ADAM32: variants seen among roughly 807,000 people sequenced by gnomAD.
The protein encoded by ADAM32 is disintegrin and metalloproteinase domain-containing protein 32.
In ADAM32, 89 loss-of-function variants were observed where a neutral mutation model predicts 114.9. The ratio of observed to expected loss-of-function variants is 0.77; its 90% CI spans 0.65 to 0.92. The LOEUF (loss-of-function observed/expected upper bound fraction) is 0.92, where lower values mean the gene tolerates loss of function less well. Ranked by LOEUF, ADAM32 falls within the 40% of genes least tolerant of loss-of-function variation. The pLI, the probability that ADAM32 is intolerant of heterozygous loss-of-function variation, is 0.00. For synonymous variants in ADAM32, 285 were observed against 307.5 expected, an observed-to-expected ratio of 0.93 and a Z score of 0.77; for missense variants, 870 against 932.8, an observed-to-expected ratio of 0.93 and a Z score of 0.88.
At chr8:39,111,720 CAAAAAAAA>C (rs11343568) in intron 1 of ADAM32, among the ~76,000 whole-genome samples, 3 of 78,294 alleles carry the variant, frequency 3.8e-5, no homozygotes, top group African/African-American at 1.4e-4. Flanking sequence ...GACTCTTTCT[CAAAAAAAA>C]AAAAAAAAAA....
chr8:39,151,160 T>G (rs1803801519), intron 5 of ADAM32, among the ~76,000 whole-genome samples: 1 of 152,208 alleles, frequency 6.6e-6, no homozygotes, highest in Non-Finnish European at 1.5e-5. Context: ...ATTGATTAAG[T>G]GACTTCTGCT....
Position 39,160,902 on chromosome 8 carries a change from A to G in ADAM32, c.531A>G (p.Glu177=), listed in dbSNP as rs1804467978. ...DDNIFISEKS[E]PAVPDLFPLY... is the part of the protein sequence containing the mutation. ...GCTGTTTTCCTTTTTTCTAGTCAGAACCAGCTGTTCCAGATTTATTTCCTC... is the reference window on the plus strand; with the variant it reads ...GCTGTTTTCCTTTTTTCTAGTCAGAGCCAGCTGTTCCAGATTTATTTCCTC... Residue 177 remains glutamate (E), a synonymous_variant, in exon 7 of 25, where the codon GAA becomes GAG. Transcript: ENST00000379907. 1.3e-6 allele frequency: 2 copies of G among 1,593,416 alleles called. No homozygotes were observed. Among genetic ancestry groups the G allele is most frequent in the African/African-American group, 2.7e-5 (2 of 74,514 alleles).
intron 10 of ADAM32, among the ~76,000 whole-genome samples, chr8:39,185,380 C>T (rs1253473572): frequency 1.3e-5 from 2 of 149,030 alleles, no homozygotes; most frequent in South Asian, 4.3e-4. Flanking sequence ...AACAAAAAAA[C>T]AGCAGAGATT....
intron 10 of ADAM32, among the ~76,000 whole-genome samples, chr8:39,178,808 G>A (rs1387373707): frequency 6.6e-6 from 1 of 152,040 alleles, no homozygotes; most frequent in East Asian, 1.9e-4. Flanking sequence ...GTTTGCTGGG[G>A]GTTCACTCCA....
At chr8:39,179,736 C>A (rs1377840277) in intron 10 of ADAM32, among the ~76,000 whole-genome samples, 1 of 152,190 alleles carries the variant, frequency 6.6e-6, no homozygotes, top group Non-Finnish European at 1.5e-5. Context: ...ATCACCCCAC[C>A]TTGCTTTTCC....
At chr8:39,113,521 C>CT (rs1040748931) in intron 1 of ADAM32, among the ~76,000 whole-genome samples, 19 of 151,544 alleles carry the variant, frequency 1.3e-4, no homozygotes, top group Admixed American at 4.6e-4. Flanking sequence ...CGTTGTGACT[C>CT]TTTTTTTTTG....
In ADAM32 at chr8:39,211,202, A is replaced by T. The variant is rs1368149513; in HGVS notation, c.1111A>T (p.Ile371Phe). The T allele has an allele frequency of 6.2e-7, 1 of 1,606,636 alleles. No individual in the cohort carries two copies. The highest frequency in any genetic ancestry group is 8.5e-7 in the Non-Finnish European group (1 of 1,177,142). Residue 371 changes from isoleucine to phenylalanine, a missense_variant, in exon 12 of 25, where the codon ATT (isoleucine) becomes TTT (phenylalanine). Transcript: ENST00000379907. Reference sequence around the variant, plus strand: ...CAGTTTGAGGAGCTTTCAAAATTTCATTTCAAATGTGGGTGTCAAATGTCT... The same window carrying T: ...CAGTTTGAGGAGCTTTCAAAATTTCTTTTCAAATGTGGGTGTCAAATGTCT... Reference protein sequence around the residue: ...SCSLRSFQNFISNVGVKCLQN... With the variant: ...SCSLRSFQNFFSNVGVKCLQN...
intron 17 of ADAM32, among the ~76,000 whole-genome samples, chr8:39,247,920 T>C (rs1306563133): frequency 6.6e-6 from 1 of 152,032 alleles, no homozygotes; most frequent in Non-Finnish European, 1.5e-5. Flanking sequence ...CATTTTGATG[T>C]CTAGCTAGTA....
chr8:39,226,650 C>A (rs1300102875), intron 14 of ADAM32, among the ~76,000 whole-genome samples: 1 of 151,442 alleles, frequency 6.6e-6, no homozygotes, highest in African/African-American at 2.4e-5. Context: ...AAAAGTCAAT[C>A]AAGAATACTT....
intron 3 of ADAM32, among the ~76,000 whole-genome samples, chr8:39,143,281 A>G (rs1338534525): frequency 1.3e-5 from 2 of 152,176 alleles, no homozygotes; most frequent in African/African-American, 2.4e-5. Flanking sequence ...TTGGAGGAGA[A>G]GAGGCACTCT....
At chr8:39,269,039 A>G (rs1812545378) in intron 19 of ADAM32, among the ~76,000 whole-genome samples, 1 of 152,234 alleles carries the variant, frequency 6.6e-6, no homozygotes, top group Non-Finnish European at 1.5e-5. Context: ...CCTCACTGGC[A>G]AGCATTTATC....
chr8:39,205,318 C>T (rs916713507), intron 11 of ADAM32, among the ~76,000 whole-genome samples: 10 of 152,238 alleles, frequency 6.6e-5, no homozygotes, highest in African/African-American at 1.2e-4. Context: ...ACTCAAGCCT[C>T]GGCAATGGCA....
chr8:39,232,174 C>T lies in ADAM32; in HGVS notation c.1634+39C>T, dbSNP rs548097394. The T allele has an allele frequency of 1.8e-4, 262 of 1,486,718 alleles. 2 individuals carry two copies. The South Asian group carries it at 3.0e-3, about 17-fold the overall frequency. 92.1% of individuals were successfully genotyped at this position (1,486,718 alleles called of 1,614,324 possible). A position where few individuals can be genotyped will look rare whatever the true frequency, so the allele number is the denominator to read the frequency against. On this transcript the variant is annotated intron_variant, in intron 15 of 24. Transcript: ENST00000379907. Reference sequence around the variant, plus strand: ...ATATAAATGATACTTTTCTTATATTCTATTAGATTTTTAAAAACTTTGCCC... The same window carrying T: ...ATATAAATGATACTTTTCTTATATTTTATTAGATTTTTAAAAACTTTGCCC...
chr8:39,145,119 G>A (rs990742734), intron 3 of ADAM32, among the ~76,000 whole-genome samples: 8 of 152,028 alleles, frequency 5.3e-5, no homozygotes, highest in African/African-American at 1.9e-4. Flanking sequence ...GGAGGTGAAA[G>A]ATCTGTATAC....
chr8:39,271,723 C>T (rs1812744622), intron 20 of ADAM32, among the ~76,000 whole-genome samples: 1 of 151,864 alleles, frequency 6.6e-6, no homozygotes, highest in African/African-American at 2.4e-5. Flanking sequence ...AATTCAGAGA[C>T]AGAAAATTTA....
At chr8:39,186,176 T>C in intron 10 of ADAM32, among the ~76,000 whole-genome samples, 1 of 152,212 alleles carries the variant, frequency 6.6e-6, no homozygotes, top group South Asian at 2.1e-4. Flanking sequence ...AGGGCTGTTA[T>C]AAGAAATTAA....
At chr8:39,165,488 C>A in intron 9 of ADAM32, 1 of 210,312 alleles carries the variant, frequency 4.8e-6, no homozygotes. Flanking sequence ...ACCCACAGTT[C>A]GTAACTCTAG....
intron 22 of ADAM32, among the ~76,000 whole-genome samples, chr8:39,279,223 CT>C (rs981886162): frequency 3.9e-5 from 6 of 152,160 alleles, no homozygotes; most frequent in African/African-American, 1.4e-4. Context: ...CATTCTTTCT[CT>C]TTTTTCCACT....
At chr8:39,247,763 C>T (rs1564680680) in intron 17 of ADAM32, among the ~76,000 whole-genome samples, 1 of 149,388 alleles carries the variant, frequency 6.7e-6, no homozygotes, top group Non-Finnish European at 1.5e-5. Flanking sequence ...CTATGCAATA[C>T]CCAAGGTCAT....
Sources: gnomAD v4.1 joint callset for allele counts (sites outside exome capture counted in the v4.1 genomes callset) on GRCh38, gnomAD v4.1.1 for gene constraint, MANE v1.5 for transcripts, NCBI Gene and HGNC (gene_info 2026-07-23, HGNC 2026-07-21) for gene names.